The following NAALADL2 variants were observed in gnomAD, a reference collection of about 807,000 sequenced individuals.
NAALADL2 encodes the protein N-acetylated alpha-linked acidic dipeptidase like 2.
Under a neutral mutation model 87.2 loss-of-function variants are expected in NAALADL2, and 76 were observed. The ratio of observed to expected loss-of-function variants is 0.87; its 90% CI spans 0.72 to 1.05. NAALADL2 has a LOEUF of 1.05. Among genes scored for constraint, NAALADL2 ranks in the 50% least tolerant of loss-of-function variants. NAALADL2 has a pLI of 0.00. For missense variants in NAALADL2, 1,089 were observed against 945.8 expected (o/e 1.15, Z -1.99); for synonymous variants, 354 against 331.0 (o/e 1.07, Z -0.75).
chr3:175,379,307 G>A (rs1050759565), intron 5 of NAALADL2, among the ~76,000 whole-genome samples: 2 of 151,720 alleles, frequency 1.3e-5, no homozygotes, highest in African/African-American at 4.8e-5. Flanking sequence ...GACAGCATCT[G>A]CTACATACAG....
chr3:174,758,636 C>T (rs553728984), intron 3 of NAALADL2, among the ~76,000 whole-genome samples: 4 of 152,304 alleles, frequency 2.6e-5, no homozygotes, highest in African/African-American at 9.6e-5. Flanking sequence ...TTGGAGTAGG[C>T]TTTTGCCTTA....
intron 11 of NAALADL2, among the ~76,000 whole-genome samples, chr3:175,684,666 G>A (rs374113997): frequency 3.3e-5 from 5 of 151,942 alleles, no homozygotes; most frequent in African/African-American, 9.7e-5. Flanking sequence ...AGTTGGGTCT[G>A]GTGATATGTG....
At chr3:174,904,941 A>AAACAT (rs1170613067) in intron 1 of NAALADL2, among the ~76,000 whole-genome samples, 1 of 151,730 alleles carries the variant, frequency 6.6e-6, no homozygotes, top group East Asian at 1.9e-4. Context: ...TGTAAGTCAT[A>AAACAT]AACATAGCAT....
At position 174,506,302 on chromosome 3, in the gene NAALADL2, T is replaced by A. The variant is rs541742126; in HGVS notation, c.-183-44267T>A. On this transcript the variant is annotated intron_variant, in intron 1 of 3. Transcript: ENST00000434257. The stretch of plus-strand genomic sequence containing the variant: ...CTCAAGTGATTCTCCTGTCTCAGCC[T>A]CCCGAGTAGCTGGGATTACAGGCAC... 1.6e-3 allele frequency among the ~76,000 whole-genome samples: 246 copies of A among 151,748 alleles called. 1 individual carries two copies. The highest frequency in any genetic ancestry group is 5.8e-3 in the African/African-American group (241 of 41,378).
intron 1 of NAALADL2, among the ~76,000 whole-genome samples, chr3:175,037,422 G>A (rs1258231623): frequency 1.3e-5 from 2 of 152,148 alleles, no homozygotes; most frequent in African/African-American, 2.4e-5. Context: ...GAAAGATAAG[G>A]AGATGGGAGA....
intron 4 of NAALADL2, among the ~76,000 whole-genome samples, chr3:175,302,881 T>C (rs1757262660): frequency 6.6e-6 from 1 of 151,782 alleles, no homozygotes; most frequent in Non-Finnish European, 1.5e-5. Flanking sequence ...TATTTTTTCA[T>C]AAATATTTGT....
At chr3:174,853,655 A>T (rs1221971450) in intron 3 of NAALADL2, among the ~76,000 whole-genome samples, 1 of 152,166 alleles carries the variant, frequency 6.6e-6, no homozygotes, top group Non-Finnish European at 1.5e-5. Context: ...AATAATCAAA[A>T]TATGTAAAGA....
intron 2 of NAALADL2, among the ~76,000 whole-genome samples, chr3:174,714,153 G>T (rs1353718848): frequency 2.0e-5 from 3 of 152,060 alleles, no homozygotes; most frequent in Non-Finnish European, 4.4e-5. Flanking sequence ...CTGTTCCATT[G>T]GTCTATATCT....
chr3:175,318,115 C>G (rs1759383210), intron 4 of NAALADL2, among the ~76,000 whole-genome samples: 1 of 151,828 alleles, frequency 6.6e-6, no homozygotes, highest in African/African-American at 2.4e-5. Context: ...ACATGTATGC[C>G]TCTCTTTATA....
chr3:175,726,371 T>C (rs866903013), intron 11 of NAALADL2, among the ~76,000 whole-genome samples: 3 of 152,240 alleles, frequency 2.0e-5, no homozygotes, highest in African/African-American at 7.2e-5. Context: ...TATCTTTGCC[T>C]GAGGCTTTCT....
chr3:174,798,609 T>A (rs1718425016), intron 3 of NAALADL2, among the ~76,000 whole-genome samples: 1 of 151,746 alleles, frequency 6.6e-6, no homozygotes, highest in Non-Finnish European at 1.5e-5. Flanking sequence ...TTTCTTTCAA[T>A]GATTTTTTTT....
At chr3:175,639,990 C>G (rs1999588) in intron 11 of NAALADL2, among the ~76,000 whole-genome samples, 1 of 151,868 alleles carries the variant, frequency 6.6e-6, no homozygotes, top group African/African-American at 2.4e-5. Flanking sequence ...GTAGTTAGTG[C>G]GTGAACTAGA....
At chr3:175,167,277 G>C (rs756951407) in intron 2 of NAALADL2, among the ~76,000 whole-genome samples, 3 of 152,020 alleles carry the variant, frequency 2.0e-5, no homozygotes, top group Non-Finnish European at 4.4e-5. Context: ...AAAAAAAGAG[G>C]TTAAACTCCT....
At chr3:174,712,767 TA>T (rs1309300097) in intron 2 of NAALADL2, among the ~76,000 whole-genome samples, 2 of 152,168 alleles carry the variant, frequency 1.3e-5, no homozygotes, top group Non-Finnish European at 2.9e-5. Flanking sequence ...CACTTTTTTT[TA>T]TCTTTAATAT....
intron 10 of NAALADL2, among the ~76,000 whole-genome samples, chr3:175,610,831 C>G (rs1724533253): frequency 6.6e-6 from 1 of 151,952 alleles, no homozygotes; most frequent in East Asian, 1.9e-4. Context: ...TTCTCTGTGC[C>G]AGCAACCATT....
At chr3:174,467,680 G>C (rs1244720030) in intron 1 of NAALADL2, among the ~76,000 whole-genome samples, 1 of 148,270 alleles carries the variant, frequency 6.7e-6, no homozygotes, top group Non-Finnish European at 1.5e-5. Flanking sequence ...CCATAAAATG[G>C]AATACTATAT....
intron 1 of NAALADL2, among the ~76,000 whole-genome samples, chr3:174,900,409 A>T (rs965291028): frequency 6.6e-6 from 1 of 152,108 alleles, no homozygotes; most frequent in Non-Finnish European, 1.5e-5. Context: ...AGCAAATAAA[A>T]ACAATAGAGT....
intron 2 of NAALADL2, among the ~76,000 whole-genome samples, chr3:175,101,745 G>A (rs969812294): frequency 6.6e-5 from 10 of 152,162 alleles, no homozygotes; most frequent in African/African-American, 2.2e-4. Context: ...ATGAGGTTTA[G>A]TTTATTTTTG....
intron 13 of NAALADL2, among the ~76,000 whole-genome samples, chr3:175,772,462 T>G (rs1304667450): frequency 6.6e-6 from 1 of 152,192 alleles, no homozygotes; most frequent in African/African-American, 2.4e-5. Flanking sequence ...TTTTGCTTTC[T>G]TTTCCTGTCA....
Sources: gnomAD v4.1 joint callset for allele counts (sites outside exome capture counted in the v4.1 genomes callset) on GRCh38, gnomAD v4.1.1 for gene constraint, MANE v1.5 for transcripts, NCBI Gene and HGNC (gene_info 2026-07-23, HGNC 2026-07-21) for gene names.